RIMS2: variants seen among roughly 807,000 people sequenced by gnomAD.
The protein encoded by RIMS2 is regulating synaptic membrane exocytosis 2.
Under a neutral mutation model 174.4 loss-of-function variants are expected in RIMS2, and 59 were observed. The observed-to-expected ratio is 0.34, with a 90% CI of 0.27 to 0.42. RIMS2 has a LOEUF of 0.42. Ranked by LOEUF, RIMS2 falls within the 10% of genes least tolerant of loss-of-function variation. The pLI is 1.00. For missense variants in RIMS2, 1,620 were observed against 1,666.3 expected (o/e 0.97, Z 0.48); for synonymous variants, 606 against 572.5 (o/e 1.06, Z -0.84).
intron 19 of RIMS2, among the ~76,000 whole-genome samples, chr8:104,138,428 G>A (rs1007584394): frequency 4.0e-5 from 6 of 151,886 alleles, no homozygotes; most frequent in Non-Finnish European, 5.9e-5. Flanking sequence ...GCACATTCTC[G>A]CCAGCATTCA....
At chr8:104,188,551 G>A (rs2098981596) in intron 19 of RIMS2, among the ~76,000 whole-genome samples, 1 of 151,592 alleles carries the variant, frequency 6.6e-6, no homozygotes, top group Non-Finnish European at 1.5e-5. Flanking sequence ...TGTCAAACTA[G>A]GTATATGCCC....
intron 1 of RIMS2, among the ~76,000 whole-genome samples, chr8:103,631,754 C>G (rs910711531): frequency 1.2e-4 from 18 of 152,190 alleles, no homozygotes; most frequent in African/African-American, 4.3e-4. Flanking sequence ...TTCTTCCTAT[C>G]CATGAACATG....
intron 3 of RIMS2, 130 bp downstream of exon 6, chr8:103,766,667 A>G (rs927280880): frequency 2.3e-5 from 15 of 651,338 alleles, no homozygotes; most frequent in Non-Finnish European, 3.7e-5. Flanking sequence ...TATGTTTTAC[A>G]TAAATACTAT....
rs575498026 is a variant in RIMS2, at chr8:104,052,378, C to G, written c.3334+37763C>G. On this transcript the variant is annotated intron_variant, in intron 19 of 23. Transcript: ENST00000504942. ...ACCTAATCTAACACATCCCAAGCAA[C>G]TAAGATCCCCTCCCAAGATAGGGGT... Among the ~76,000 whole-genome samples, 81 of 152,184 alleles carry G rather than the reference C, an allele frequency of 5.3e-4. 1 individual carries two copies. The highest frequency in any genetic ancestry group is 1.6e-3 in the African/African-American group (68 of 41,520).
chr8:104,129,620 A>G (rs1183985600), intron 19 of RIMS2, among the ~76,000 whole-genome samples: 1 of 152,242 alleles, frequency 6.6e-6, no homozygotes. Context: ...TTGGCCTACA[A>G]AGAACTGAGG....
At chr8:103,744,917 G>A (rs2139474977) in intron 2 of RIMS2, among the ~76,000 whole-genome samples, 1 of 152,190 alleles carries the variant, frequency 6.6e-6, no homozygotes, top group South Asian at 2.1e-4. Flanking sequence ...AAACTTCTTT[G>A]CATCAAATGT....
At chr8:104,086,266 GTTT>G (rs377670155) in intron 19 of RIMS2, among the ~76,000 whole-genome samples, 14 of 112,914 alleles carry the variant, frequency 1.2e-4, no homozygotes, top group East Asian at 2.7e-4. Flanking sequence ...GTTCTGGTGG[GTTT>G]TTTTTTTTTT....
chr8:103,646,539 C>T (rs1323626997), intron 1 of RIMS2, among the ~76,000 whole-genome samples: 1 of 152,130 alleles, frequency 6.6e-6, no homozygotes, highest in African/African-American at 2.4e-5. Context: ...TGTTCTACCT[C>T]TCTCCGCACC....
At chr8:103,864,231 A>T (rs2099074101) in intron 3 of RIMS2, among the ~76,000 whole-genome samples, 1 of 150,380 alleles carries the variant, frequency 6.6e-6, no homozygotes, top group East Asian at 1.9e-4. Context: ...GATTTGGTTT[A>T]TTCTTGTTTC....
rs191828129 is a variant in RIMS2 at position 103,627,926 on chromosome 8, C to T, written c.177-69160C>T. Among the ~76,000 whole-genome samples, 21 of 152,234 alleles carry T rather than the reference C, an allele frequency of 1.4e-4. No individual in the cohort carries two copies. In the South Asian group the frequency reaches 2.7e-3, roughly 20 times the overall value. On this transcript the variant is annotated intron_variant, in intron 1 of 23. Coordinates refer to ENST00000504942, the Ensembl canonical transcript of RIMS2. Reference sequence around the variant, plus strand: ...TCTAGTGCCTTTCAAAACCTAAATGCGCCTGCTCCTTTATGTAACTGGGTG... The same window carrying T: ...TCTAGTGCCTTTCAAAACCTAAATGTGCCTGCTCCTTTATGTAACTGGGTG...
intron 1 of RIMS2, among the ~76,000 whole-genome samples, chr8:103,648,884 T>C (rs1204057325): frequency 1.3e-5 from 2 of 152,216 alleles, no homozygotes; most frequent in African/African-American, 4.8e-5. Flanking sequence ...GGGTCTTGGC[T>C]TTTTATCCAG....
At chr8:104,050,767 G>T (rs1057203767) in intron 19 of RIMS2, among the ~76,000 whole-genome samples, 2 of 152,112 alleles carry the variant, frequency 1.3e-5, no homozygotes, top group Non-Finnish European at 2.9e-5. Flanking sequence ...GAGTTGAAAT[G>T]AAAGAGTACA....
chr8:104,159,075 A>T (rs1203102231), intron 19 of RIMS2, among the ~76,000 whole-genome samples: 1 of 152,100 alleles, frequency 6.6e-6, no homozygotes, highest in Non-Finnish European at 1.5e-5. Flanking sequence ...TTTTTGTATA[A>T]GGTGTAAGGG....
chr8:103,622,660 G>A (rs2095663778), intron 1 of RIMS2, among the ~76,000 whole-genome samples: 1 of 152,122 alleles, frequency 6.6e-6, no homozygotes, highest in Admixed American at 6.5e-5. Flanking sequence ...TTTGCAATTA[G>A]CACCACCTGT....
intron 1 of RIMS2, among the ~76,000 whole-genome samples, chr8:103,694,224 A>T (rs933413635): frequency 2.0e-5 from 3 of 152,064 alleles, no homozygotes; most frequent in Non-Finnish European, 4.4e-5. Flanking sequence ...TTTGCCTTAG[A>T]CCAGGATGCT....
chr8:103,628,154 A>G (rs561606769), intron 1 of RIMS2, among the ~76,000 whole-genome samples: 2 of 152,196 alleles, frequency 1.3e-5, no homozygotes, highest in Non-Finnish European at 2.9e-5. Context: ...CATTAAGAGA[A>G]CAAAAAAGAA....
chr8:104,164,702 C>G (rs2098786183), intron 19 of RIMS2, among the ~76,000 whole-genome samples: 1 of 152,080 alleles, frequency 6.6e-6, no homozygotes, highest in Non-Finnish European at 1.5e-5. Context: ...AATGCAGGAA[C>G]AGAAAACCAA....
chr8:103,859,078 C>CT (rs2099044255), intron 3 of RIMS2, among the ~76,000 whole-genome samples: 1 of 152,054 alleles, frequency 6.6e-6, no homozygotes, highest in African/African-American at 2.4e-5. Flanking sequence ...CAGAGAGGGT[C>CT]TTTTTCTGTT....
At chr8:103,742,506 A>T (rs548904951) in intron 2 of RIMS2, among the ~76,000 whole-genome samples, 1 of 152,254 alleles carries the variant, frequency 6.6e-6, no homozygotes, top group South Asian at 2.1e-4. Flanking sequence ...ATACAATTGC[A>T]CTGACAGACT....
Sources: gnomAD v4.1 joint callset for allele counts (sites outside exome capture counted in the v4.1 genomes callset) on GRCh38, gnomAD v4.1.1 for gene constraint, MANE v1.5 for transcripts, NCBI Gene and HGNC (gene_info 2026-07-23, HGNC 2026-07-21) for gene names.